PCDHGB6: variants seen among roughly 807,000 people sequenced by gnomAD.
PCDHGB6 encodes the protein protocadherin gamma-B6.
Under a neutral mutation model 59.1 loss-of-function variants are expected in PCDHGB6, and 51 were observed. The ratio of observed to expected loss-of-function variants is 0.86; its 90% CI spans 0.69 to 1.09. PCDHGB6 has a LOEUF of 1.09. Among genes scored for constraint, PCDHGB6 ranks in the 50% least tolerant of loss-of-function variants. PCDHGB6 has a pLI of 0.00. For synonymous variants in PCDHGB6, 466 were observed against 495.1 expected, an observed-to-expected ratio of 0.94 and a Z score of 0.78; for missense variants, 1,148 against 1,205.1, an observed-to-expected ratio of 0.95 and a Z score of 0.70.
Position 141,512,160 on chromosome 5 carries a change from G to A in PCDHGB6, c.*987G>A, listed in dbSNP as rs1227447365. On this transcript the variant is annotated 3_prime_UTR_variant, in exon 4 of 4. Coordinates refer to ENST00000520790, the MANE Select transcript of PCDHGB6 (RefSeq NM_018926.3). ...CAGCCAGCTTTGGGCTGAGCTAACA[G>A]GACCAATGGATTAAACTGGCATTTC... 1 of 152,730 alleles carries A rather than the reference G, an allele frequency of 6.5e-6. No individual in the cohort carries two copies. Among genetic ancestry groups the A allele is most frequent in the African/African-American group, 2.4e-5 (1 of 41,456 alleles). The allele number at this position is 152,730 out of a possible 1,614,324, so 9.5% of individuals were successfully genotyped here.
chr5:141,489,707 G>A lies in PCDHGB6; in HGVS notation c.2419-5100G>A. 6.2e-7 allele frequency: 1 copy of A among 1,614,194 alleles called. No individual in the cohort carries two copies. Among genetic ancestry groups the A allele is most frequent in the Non-Finnish European group, 8.5e-7 (1 of 1,180,022 alleles). The stretch of plus-strand genomic sequence containing the variant: ...TCTGGGGCACGATTCCCACTGGACA[G>A]TGCCCAGGATCCGGATGTGGGCACC... On this transcript the variant is annotated intron_variant, in intron 1 of 3. Transcript: ENST00000520790. The surrounding 1 kb of genome is among the most constrained non-coding windows in gnomAD (Gnocchi z 4.5).
chr5:141,463,747 G>A (rs994400482), intron 1 of PCDHGB6, among the ~76,000 whole-genome samples: 13 of 152,082 alleles, frequency 8.5e-5, no homozygotes, highest in Middle Eastern at 3.4e-3. Context: ...CGCCCGGCCT[G>A]CTTCTCTTCT....
chr5:141,415,627 A>T, intron 1 of PCDHGB6: 1 of 1,598,406 alleles, frequency 6.3e-7, no homozygotes, highest in Non-Finnish European at 8.5e-7. Context: ...TTTTATTTTC[A>T]TTTTTACTTT....
chr5:141,431,228 G>C lies in PCDHGB6; in HGVS notation c.2418+20608G>C, dbSNP rs772199359. The stretch of plus-strand genomic sequence containing the variant: ...TGAGATGCGGTTCCCTCTACCCCAC[G>C]CCTGGGATCCGGATATCGGGAAGAA... On this transcript the variant is annotated intron_variant, in intron 1 of 3. Coordinates refer to ENST00000520790, the MANE Select transcript of PCDHGB6 (RefSeq NM_018926.3). The surrounding 1 kb of genome is among the most constrained non-coding windows in gnomAD (Gnocchi z 4.8). The C allele has an allele frequency of 1.9e-6, 3 of 1,614,000 alleles. No individual in the cohort carries two copies. The African/African-American group carries it at 4.0e-5, about 22-fold the overall frequency.
intron 1 of PCDHGB6, chr5:141,414,917 T>A: frequency 6.2e-7 from 1 of 1,614,148 alleles, no homozygotes; most frequent in Non-Finnish European, 8.5e-7. Context: ...GGCGTGGAGC[T>A]GGCGCCCCGC....
chr5:141,458,698 T>C (rs1258294275), intron 1 of PCDHGB6, among the ~76,000 whole-genome samples: 1 of 152,054 alleles, frequency 6.6e-6, no homozygotes, highest in East Asian at 1.9e-4. Context: ...GCCTCCCGAG[T>C]AGCTGGGATT....
intron 1 of PCDHGB6, chr5:141,427,536 G>A (rs758610182): frequency 4.8e-6 from 3 of 626,396 alleles, no homozygotes; most frequent in Middle Eastern, 2.5e-4. Flanking sequence ...GGAGTACAAC[G>A]TCACCATCAC....
intron 2 of PCDHGB6, among the ~76,000 whole-genome samples, chr5:141,499,884 C>T (rs917762715): frequency 2.0e-5 from 3 of 152,014 alleles, no homozygotes; most frequent in Admixed American, 6.5e-5. Flanking sequence ...AACAGGGTTT[C>T]GCCATGTTGG....
At chr5:141,423,572 G>A (rs1239529114) in intron 1 of PCDHGB6, 1 of 1,613,510 alleles carries the variant, frequency 6.2e-7, no homozygotes, top group Admixed American at 1.7e-5. Flanking sequence ...ACGCTCATCA[G>A]CCAGGAGAGC....
intron 2 of PCDHGB6, among the ~76,000 whole-genome samples, chr5:141,501,026 G>A (rs1053442173): frequency 7.9e-5 from 12 of 151,608 alleles, no homozygotes; most frequent in Non-Finnish European, 1.5e-4. Flanking sequence ...GCGCCACCAC[G>A]CCCAGCTAAT....
intron 1 of PCDHGB6, among the ~76,000 whole-genome samples, chr5:141,438,149 A>G (rs1441404688): frequency 6.6e-6 from 1 of 152,220 alleles, no homozygotes; most frequent in African/African-American, 2.4e-5. Context: ...TAGCCAGCCT[A>G]TGGCAAAGCT....
Position 141,432,479 on chromosome 5 carries a change from G to A in PCDHGB6, c.2418+21859G>A, listed in dbSNP as rs771261875. ...CGCCCTCCCCACGGACGGTTCCACT[G>A]GCGTGGAGCTGGCTCCCCGCTCCGC... On this transcript the variant is annotated intron_variant, in intron 1 of 3. Transcript: ENST00000520790. The surrounding 1 kb of genome is among the most constrained non-coding windows in gnomAD (Gnocchi z 6.0). The A allele has an allele frequency of 3.8e-5, 62 of 1,614,076 alleles. No individual in the cohort carries two copies. Among genetic ancestry groups the A allele is most frequent in the Non-Finnish European group, 4.9e-5 (58 of 1,180,052 alleles).
At chr5:141,413,219 G>C in intron 1 of PCDHGB6, 1 of 1,613,506 alleles carries the variant, frequency 6.2e-7, no homozygotes, top group Non-Finnish European at 8.5e-7. Context: ...AAGGATTGCA[G>C]CGGGCTGGTC....
Position 141,408,428 on chromosome 5 carries a change from A to C in PCDHGB6, c.226A>C (p.Ser76Arg), listed in dbSNP as rs1397543407. The C allele has an allele frequency of 6.2e-7, 1 of 1,614,076 alleles. No individual in the cohort carries two copies. The highest frequency in any genetic ancestry group is 1.1e-5 in the South Asian group (1 of 91,092). ...LRVSAEKLHF[S>R]VDAESGDLLV... ...AGTGAGCGCGGAGAAGCTGCACTTC[A>C]GCGTAGACGCGGAGAGCGGGGACTT... The change falls in exon 1 of 4, where the codon AGC becomes CGC. Residue 76 changes from serine to arginine, a missense_variant. By Grantham distance (110) the Ser-to-Arg change is moderately radical. Transcript: ENST00000520790.
intron 1 of PCDHGB6, among the ~76,000 whole-genome samples, chr5:141,443,905 A>G (rs963772369): frequency 6.6e-6 from 1 of 152,204 alleles, no homozygotes; most frequent in Admixed American, 6.5e-5. Context: ...TAGTAGGAAA[A>G]TTCATAAAAG....
intron 1 of PCDHGB6, among the ~76,000 whole-genome samples, chr5:141,444,203 C>A (rs2098425806): frequency 1.3e-5 from 1 of 79,180 alleles, no homozygotes; most frequent in Admixed American, 2.0e-4. Context: ...TGGAGTTTCA[C>A]TCTTGTTGCC....
chr5:141,419,834 A>C, intron 1 of PCDHGB6: 1 of 1,614,072 alleles, frequency 6.2e-7, no homozygotes, highest in Non-Finnish European at 8.5e-7. Context: ...AGCCACTGCC[A>C]CGCTGCACCT....
At position 141,432,203 on chromosome 5, in the gene PCDHGB6, G is replaced by A. The variant is rs1282888078; in HGVS notation, c.2418+21583G>A. The A allele has an allele frequency of 3.1e-6, 5 of 1,614,062 alleles. No homozygotes were observed. The highest frequency in any genetic ancestry group is 1.3e-5 in the African/African-American group (1 of 74,920). ...TGTGACCGCCCACGACCCCGACTGT[G>A]AAGAGAACGCCCAGATCACTTATTC... On this transcript the variant is annotated intron_variant, in intron 1 of 3. Transcript: ENST00000520790. The surrounding 1 kb of genome is among the most constrained non-coding windows in gnomAD (Gnocchi z 6.0).
chr5:141,477,553 A>T lies in PCDHGB6; in HGVS notation c.2419-17254A>T, dbSNP rs1478806410. 6.2e-7 allele frequency: 1 copy of T among 1,614,090 alleles called. No homozygotes were observed. Among genetic ancestry groups the T allele is most frequent in the Admixed American group, 1.7e-5 (1 of 60,028 alleles). On this transcript the variant is annotated intron_variant, in intron 1 of 3. Coordinates refer to ENST00000520790, the MANE Select transcript of PCDHGB6 (RefSeq NM_018926.3). The surrounding 1 kb of genome is among the most constrained non-coding windows in gnomAD (Gnocchi z 4.9). ...TCCCCGGGGCTCCAATACTAAACCT[A>T]AGTGTCTGGGACCCCGACGCCCCGC...
Sources: allele counts gnomAD v4.1 joint callset (sites outside exome capture counted in the v4.1 genomes callset), GRCh38; gene constraint gnomAD v4.1.1; non-coding constraint Gnocchi (gnomAD v3.1); transcripts MANE v1.5; gene names NCBI Gene and HGNC (gene_info 2026-07-23, HGNC 2026-07-21).